Variants in NRXN1 observed in about 807,000 individuals in gnomAD.
NRXN1 encodes neurexin 1, also known as neurexin-1.
NRXN1 carries 39 observed loss-of-function variants against 150.9 expected under a neutral mutation model. That is an observed-to-expected ratio of 0.26 (90% CI 0.20 to 0.34). The LOEUF (loss-of-function observed/expected upper bound fraction) is 0.34, where lower values mean the gene tolerates loss of function less well. NRXN1 is among the 10% of genes least tolerant of loss of function. The pLI is 1.00. For synonymous variants in NRXN1, 924 were observed against 757.0 expected, an observed-to-expected ratio of 1.22 and a Z score of -3.62; for missense variants, 1,815 against 1,949.9, an observed-to-expected ratio of 0.93 and a Z score of 1.30.
intron 21 of NRXN1, among the ~76,000 whole-genome samples, chr2:50,005,104 T>C (rs111989803): frequency 5.3e-5 from 8 of 152,256 alleles, no homozygotes; most frequent in African/African-American, 1.9e-4. Flanking sequence ...CAGCTCATTA[T>C]TGAATATTTG....
intron 5 of NRXN1, chr2:50,696,131 C>T (rs371935760): frequency 6.6e-6 from 1 of 152,106 alleles, no homozygotes; most frequent in African/African-American, 2.4e-5. Context: ...GCAAGAGCCA[C>T]CACACCCAGT....
chr2:50,042,043 C>G (rs1006072301), intron 21 of NRXN1, among the ~76,000 whole-genome samples: 1 of 152,156 alleles, frequency 6.6e-6, no homozygotes, highest in Non-Finnish European at 1.5e-5. Context: ...CATATCGCAT[C>G]CACCCCTTTT....
At chr2:50,963,198 C>A (rs1033371271) in intron 2 of NRXN1, among the ~76,000 whole-genome samples, 27 of 151,632 alleles carry the variant, frequency 1.8e-4, no homozygotes, top group Non-Finnish European at 3.7e-4. Flanking sequence ...TTCACCACAA[C>A]ACTTACCAGG....
Position 50,528,611 on chromosome 2 carries a change from G to T in NRXN1, c.2374+14C>A. 6.8e-7 allele frequency: 1 copy of T among 1,460,960 alleles called. No individual in the cohort carries two copies. The highest frequency in any genetic ancestry group is 9.5e-7 in the Non-Finnish European group (1 of 1,053,236). 90.5% of individuals were successfully genotyped at this position (1,460,960 alleles called of 1,614,324 possible). ...GGAGGAATAACATTTTAAAAATTTT[G>T]AATAGGCACTTACTGGAATTACAGT... is the stretch of plus-strand genomic sequence containing the variant. On this transcript the variant is annotated intron_variant, in intron 12 of 22. Transcript: ENST00000401669.
At chr2:50,552,489 A>G in intron 9 of NRXN1, 98 bp downstream of exon 9, 1 of 848,760 alleles carries the variant, frequency 1.2e-6, no homozygotes, top group Non-Finnish European at 1.9e-6. Flanking sequence ...AAACAAATGC[A>G]GGAAGTCTTT....
At chr2:50,217,721 C>A (rs1274940262) in intron 18 of NRXN1, among the ~76,000 whole-genome samples, 3 of 151,986 alleles carry the variant, frequency 2.0e-5, no homozygotes, top group African/African-American at 7.2e-5. Context: ...AACCCAGAGT[C>A]CTATGCAGAA....
chr2:50,494,315 C>T (rs1186664646), intron 15 of NRXN1, among the ~76,000 whole-genome samples: 1 of 152,120 alleles, frequency 6.6e-6, no homozygotes, highest in Non-Finnish European at 1.5e-5. Flanking sequence ...CTCACCTACA[C>T]AAACAGGGCA....
chr2:50,374,738 A>C (rs1201420313), intron 17 of NRXN1, among the ~76,000 whole-genome samples: 1 of 152,182 alleles, frequency 6.6e-6, no homozygotes, highest in Non-Finnish European at 1.5e-5. Context: ...TTAATATCTA[A>C]TATAGAATTA....
chr2:50,001,335 C>A (rs534432664), intron 21 of NRXN1, among the ~76,000 whole-genome samples: 1 of 152,206 alleles, frequency 6.6e-6, no homozygotes, highest in East Asian at 1.9e-4. Flanking sequence ...GACAATCATA[C>A]TGAAGTACAA....
chr2:50,639,146 C>T (rs1336948579), intron 5 of NRXN1, among the ~76,000 whole-genome samples: 1 of 151,830 alleles, frequency 6.6e-6, no homozygotes, highest in Non-Finnish European at 1.5e-5. Context: ...TAGAATTTGG[C>T]TTTATGACCC....
At position 50,531,307 on chromosome 2, in the gene NRXN1, A is replaced by G. The variant is rs1312529171; in HGVS notation, c.2267T>C (p.Met756Thr). The change falls in exon 11 of 23, where the codon ATG becomes ACG. Residue 756 changes from methionine (M) to threonine (T), a missense_variant. By Grantham distance (81) the Met-to-Thr change is moderately conservative. Transcript: ENST00000401669. ...AGCAGAGTCTCTAGAAGTGGTTGCC[A>G]TCAGAATGCCATATGCACGCTGGGA... ...FRSQRAYGIL[M>T]ATTSRDSADT... is the part of the protein sequence containing the mutation. 3 of 1,613,674 alleles carry G rather than the reference A, an allele frequency of 1.9e-6. No individual in the cohort carries two copies. Among genetic ancestry groups the G allele is most frequent in the Non-Finnish European group, 1.7e-6 (2 of 1,179,766 alleles).
intron 5 of NRXN1, among the ~76,000 whole-genome samples, chr2:50,904,551 T>C (rs1683397701): frequency 6.6e-6 from 1 of 152,146 alleles, no homozygotes; most frequent in Non-Finnish European, 1.5e-5. Flanking sequence ...AGGAATGTCC[T>C]TTTCTGTGCT....
chr2:50,538,174 T>C (rs991158209), intron 10 of NRXN1, 79 bp downstream of exon 10: 17 of 1,478,664 alleles, frequency 1.1e-5, no homozygotes, highest in African/African-American at 9.8e-5. Context: ...TACGTTTCAA[T>C]GGTCAGTGCA....
At chr2:50,728,194 T>C (rs556352803) in intron 5 of NRXN1, among the ~76,000 whole-genome samples, 20 of 152,274 alleles carry the variant, frequency 1.3e-4, no homozygotes, top group South Asian at 4.1e-4. Flanking sequence ...TAGACACTTA[T>C]ATGACTCATA....
At chr2:50,958,927 T>G (rs555661596) in intron 2 of NRXN1, among the ~76,000 whole-genome samples, 57 of 152,242 alleles carry the variant, frequency 3.7e-4, no homozygotes, top group African/African-American at 1.4e-3. Context: ...AAACTAACAT[T>G]GCATTCTACA....
intron 17 of NRXN1, among the ~76,000 whole-genome samples, chr2:50,238,220 C>T (rs1166513774): frequency 6.6e-6 from 1 of 151,944 alleles, no homozygotes; most frequent in African/African-American, 2.4e-5. Flanking sequence ...ATTTTGAGGT[C>T]CTGAATAGAA....
intron 5 of NRXN1, among the ~76,000 whole-genome samples, chr2:50,688,927 C>T (rs756596584): frequency 6.6e-6 from 1 of 152,168 alleles, no homozygotes; most frequent in Non-Finnish European, 1.5e-5. Context: ...TCACACTAAG[C>T]TATGCTTGCT....
intron 2 of NRXN1, among the ~76,000 whole-genome samples, chr2:51,000,625 T>C (rs1285652504): frequency 6.6e-6 from 1 of 151,966 alleles, no homozygotes; most frequent in African/African-American, 2.4e-5. Context: ...GATTGAGGAT[T>C]AGATGACTAG....
chr2:49,938,043 G>C (rs1671355350), intron 22 of NRXN1, among the ~76,000 whole-genome samples: 1 of 152,122 alleles, frequency 6.6e-6, no homozygotes, highest in Non-Finnish European at 1.5e-5. Context: ...CATGGTAATT[G>C]CAACAAATTT....
Sources: gnomAD v4.1 joint callset for allele counts (sites outside exome capture counted in the v4.1 genomes callset) on GRCh38, gnomAD v4.1.1 for gene constraint, MANE v1.5 for transcripts, NCBI Gene and HGNC (gene_info 2026-07-23, HGNC 2026-07-21) for gene names.